Variants in CAMK2D observed in about 807,000 individuals in gnomAD.
CAMK2D encodes calcium/calmodulin-dependent protein kinase type II subunit delta.
In CAMK2D, 37 loss-of-function variants were observed where a neutral mutation model predicts 84.0. The observed-to-expected ratio is 0.44, with a 90% CI of 0.34 to 0.58. The LOEUF (loss-of-function observed/expected upper bound fraction) is 0.58. Among genes scored for constraint, CAMK2D ranks in the 20% least tolerant of loss-of-function variants. The pLI, the probability that CAMK2D is intolerant of heterozygous loss-of-function variation, is 0.02. For missense variants in CAMK2D, 448 were observed against 652.5 expected, an observed-to-expected ratio of 0.69 and a Z score of 3.41; for synonymous variants, 202 against 212.5, an observed-to-expected ratio of 0.95 and a Z score of 0.43.
intron 2 of CAMK2D, among the ~76,000 whole-genome samples, chr4:113,746,303 T>C (rs1364097383): frequency 6.6e-6 from 1 of 152,206 alleles, no homozygotes; most frequent in Non-Finnish European, 1.5e-5. Context: ...CCTTAAAACC[T>C]TCTATCTGTT....
At chr4:113,726,634 G>A (rs577351329) in intron 2 of CAMK2D, among the ~76,000 whole-genome samples, 3 of 151,884 alleles carry the variant, frequency 2.0e-5, no homozygotes, top group East Asian at 1.9e-4. Context: ...GAACTCCCTA[G>A]GCCTCAAGCA....
chr4:113,731,474 C>T (rs1234349397), intron 2 of CAMK2D, among the ~76,000 whole-genome samples: 1 of 151,946 alleles, frequency 6.6e-6, no homozygotes, highest in Non-Finnish European at 1.5e-5. Flanking sequence ...AAACTATTTT[C>T]ATAAGCACTA....
In CAMK2D at chr4:113,644,229, A is replaced by G. The variant is rs147459030; in HGVS notation, c.220+17484T>C. On this transcript the variant is annotated intron_variant, in intron 3 of 20. Coordinates refer to ENST00000511664, the MANE Select transcript of CAMK2D (RefSeq NM_001321571.2). ...AAAATCAGAAGAAACAGAAAAAATA[A>G]TATCTTGTCAGATTCTTGGCTTAGA... is the stretch of plus-strand genomic sequence containing the variant. Among the ~76,000 whole-genome samples the G allele has an allele frequency of 1.5e-3, 232 of 152,352 alleles. 1 individual carries two copies. Among genetic ancestry groups the G allele is most frequent in the African/African-American group, 5.2e-3 (217 of 41,586 alleles).
intron 4 of CAMK2D, among the ~76,000 whole-genome samples, chr4:113,606,328 G>A (rs574815720): frequency 8.6e-5 from 13 of 151,728 alleles, no homozygotes; most frequent in South Asian, 8.3e-4. Flanking sequence ...AAAATTAGCC[G>A]GCATGGTGGC....
intron 12 of CAMK2D, among the ~76,000 whole-genome samples, chr4:113,511,169 T>A (rs562938746): frequency 6.6e-6 from 1 of 152,122 alleles, no homozygotes; most frequent in Non-Finnish European, 1.5e-5. Context: ...TTTATAACCA[T>A]ATACTTATGG....
chr4:113,590,167 A>C (rs922297061), intron 4 of CAMK2D, among the ~76,000 whole-genome samples: 1 of 152,210 alleles, frequency 6.6e-6, no homozygotes, highest in Non-Finnish European at 1.5e-5. Context: ...ATGAATGTAG[A>C]ATCTTAAACA....
At chr4:113,751,236 C>G (rs1007604492) in intron 2 of CAMK2D, among the ~76,000 whole-genome samples, 3 of 152,020 alleles carry the variant, frequency 2.0e-5, no homozygotes, top group Non-Finnish European at 4.4e-5. Context: ...AACAAATAAC[C>G]CTCAGCAGAA....
At position 113,759,367 on chromosome 4, in the gene CAMK2D, T is replaced by C. The variant is rs1402972585; in HGVS notation, c.113A>G (p.Gln38Arg). Residue 38 changes from glutamine (Q) to arginine (R), a missense_variant, in exon 2 of 21, where the codon CAA becomes CGA. Transcript: ENST00000511664. ...GTTGATAATTTTGGCAGCATATTCT[T>C]GTCCAGTAGGAATTTTCATACATCT... ...VRRCMKIPTG[Q>R]EYAAKIINTK... The C allele has an allele frequency of 1.9e-6, 3 of 1,608,876 alleles. No homozygotes were observed. Among genetic ancestry groups the C allele is most frequent in the Non-Finnish European group, 2.5e-6 (3 of 1,177,062 alleles).
Position 113,509,678 on chromosome 4 carries a change from G to A in CAMK2D, c.947-3C>T. The A allele has an allele frequency of 6.2e-7, 1 of 1,605,832 alleles. No individual in the cohort carries two copies. Among genetic ancestry groups the A allele is most frequent in the Middle Eastern group, 1.7e-4 (1 of 6,046 alleles). On this transcript the variant is annotated splice_region_variant and splice_polypyrimidine_tract_variant and intron_variant, in intron 12 of 20. Coordinates refer to ENST00000511664, the MANE Select transcript of CAMK2D (RefSeq NM_001321571.2). ...TTTCTTCAACAAACTCTTGGCTGCT[G>A]TAAAATGAGAGTAAAATCAGTTTAG...
chr4:113,494,565 A>C (rs1329440390), intron 16 of CAMK2D, among the ~76,000 whole-genome samples: 1 of 152,238 alleles, frequency 6.6e-6, no homozygotes, highest in African/African-American at 2.4e-5. Context: ...GGGACATTTA[A>C]GTCTGCAGAG....
intron 16 of CAMK2D, among the ~76,000 whole-genome samples, chr4:113,496,463 T>G (rs2097933684): frequency 2.0e-5 from 3 of 151,272 alleles, no homozygotes; most frequent in Non-Finnish European, 2.9e-5. Flanking sequence ...TTTTTTTTTT[T>G]TTTAAAGCAA....
At chr4:113,511,938 T>C (rs1486918595) in intron 12 of CAMK2D, among the ~76,000 whole-genome samples, 1 of 152,188 alleles carries the variant, frequency 6.6e-6, no homozygotes, top group Non-Finnish European at 1.5e-5. Flanking sequence ...AAATAATAAC[T>C]AGATATTGGT....
At chr4:113,615,858 T>C (rs1166986290) in intron 3 of CAMK2D, among the ~76,000 whole-genome samples, 1 of 152,146 alleles carries the variant, frequency 6.6e-6, no homozygotes, top group African/African-American at 2.4e-5. Context: ...GGGAGTTTGA[T>C]TAGCTGGCTA....
chr4:113,732,652 G>C (rs2099572002), intron 2 of CAMK2D, among the ~76,000 whole-genome samples: 1 of 152,214 alleles, frequency 6.6e-6, no homozygotes, highest in South Asian at 2.1e-4. Flanking sequence ...TCAATGATAA[G>C]AGTCCTGCAC....
chr4:113,586,310 A>G (rs10011229), intron 4 of CAMK2D, among the ~76,000 whole-genome samples: 106,732 of 151,978 alleles, frequency 0.7, 37,671 homozygotes, highest in Middle Eastern at 0.74. Context: ...ACCATATTGG[A>G]TAAATGTGCC....
chr4:113,633,943 A>G (rs1304506257), intron 3 of CAMK2D, among the ~76,000 whole-genome samples: 1 of 152,240 alleles, frequency 6.6e-6, no homozygotes, highest in Non-Finnish European at 1.5e-5. Context: ...ACAACCACAC[A>G]ATAGTTGGAA....
At chr4:113,645,341 G>A (rs1255831606) in intron 3 of CAMK2D, among the ~76,000 whole-genome samples, 1 of 152,068 alleles carries the variant, frequency 6.6e-6, no homozygotes, top group East Asian at 1.9e-4. Context: ...TCTTGAGATG[G>A]ATTAAATGAA....
Position 113,457,315 on chromosome 4 carries a change from G to A in CAMK2D, c.1535+20C>T. The stretch of plus-strand genomic sequence containing the variant: ...CCATGGGTGTATTAACAAAGAAGCT[G>A]ACAGCCTGGAAATATTTACTTGATG... On this transcript the variant is annotated intron_variant, in intron 19 of 20. Transcript: ENST00000511664. 6.2e-7 allele frequency: 1 copy of A among 1,612,934 alleles called. No homozygotes were observed. Among genetic ancestry groups the A allele is most frequent in the Non-Finnish European group, 8.5e-7 (1 of 1,179,414 alleles).
chr4:113,467,325 C>T lies in CAMK2D; in HGVS notation c.1136-1721G>A, dbSNP rs76026993. Among the ~76,000 whole-genome samples, 819 of 152,254 alleles carry T rather than the reference C, an allele frequency of 5.4e-3. 8 individuals carry two copies. The highest frequency in any genetic ancestry group is 0.018 in the African/African-American group (765 of 41,570). On this transcript the variant is annotated intron_variant, in intron 16 of 20. Coordinates refer to ENST00000511664, the MANE Select transcript of CAMK2D (RefSeq NM_001321571.2). ...CTGATCTTCATCAAGCAGATTTTAA[C>T]CACAAGCTTAAATGCTTACTTTCAC...
Sources: allele counts gnomAD v4.1 joint callset (sites outside exome capture counted in the v4.1 genomes callset), GRCh38; gene constraint gnomAD v4.1.1; transcripts MANE v1.5; gene names NCBI Gene and HGNC (gene_info 2026-07-23, HGNC 2026-07-21).